ADAMTSL1: variants seen among roughly 807,000 people sequenced by gnomAD.
The protein encoded by ADAMTSL1 is ADAMTS-like protein 1.
ADAMTSL1 carries 126 observed loss-of-function variants against 201.8 expected under a neutral mutation model. That is an observed-to-expected ratio of 0.62 (90% confidence interval 0.54 to 0.72). The LOEUF is 0.72. ADAMTSL1 is among the 30% of genes least tolerant of loss of function. ADAMTSL1 has a pLI of 0.00. For synonymous variants in ADAMTSL1, 1,121 were observed against 903.4 expected, an observed-to-expected ratio of 1.24 and a Z score of -4.32; for missense variants, 2,679 against 2,277.8, an observed-to-expected ratio of 1.18 and a Z score of -3.59.
At chr9:18,276,121 A>G (rs1304044341) in intron 2 of ADAMTSL1, among the ~76,000 whole-genome samples, 7 of 151,404 alleles carry the variant, frequency 4.6e-5, no homozygotes, top group Non-Finnish European at 1.0e-4. Context: ...AACTGTGCTT[A>G]TTTGCCATTT....
chr9:17,959,464 A>G (rs1183069358), intron 1 of ADAMTSL1, among the ~76,000 whole-genome samples: 1 of 151,674 alleles, frequency 6.6e-6, no homozygotes, highest in East Asian at 1.9e-4. Context: ...TTTATTTTTT[A>G]TTTTTATTTT....
intron 2 of ADAMTSL1, among the ~76,000 whole-genome samples, chr9:18,359,818 T>TCC (rs1187779796): frequency 2.8e-3 from 118 of 42,612 alleles, no homozygotes; most frequent in Admixed American, 5.9e-3. Flanking sequence ...ATGCCCCACC[T>TCC]CCCCACCCGC....
intron 16 of ADAMTSL1, among the ~76,000 whole-genome samples, chr9:18,757,611 C>A (rs1010471460): frequency 2.6e-5 from 4 of 152,128 alleles, no homozygotes; most frequent in African/African-American, 9.7e-5. Flanking sequence ...TTTCCCACTC[C>A]CCTGTGCTGG....
intron 2 of ADAMTSL1, among the ~76,000 whole-genome samples, chr9:18,175,184 C>G (rs1828086544): frequency 6.6e-6 from 1 of 152,158 alleles, no homozygotes; most frequent in Non-Finnish European, 1.5e-5. Flanking sequence ...TCATAGAACT[C>G]TTTAAACCTT....
intron 2 of ADAMTSL1, among the ~76,000 whole-genome samples, chr9:18,178,452 G>T (rs201014426): frequency 6.6e-6 from 1 of 152,152 alleles, no homozygotes; most frequent in Non-Finnish European, 1.5e-5. Context: ...GCTGGGGGAG[G>T]GGCGCCCGCC....
intron 1 of ADAMTSL1, among the ~76,000 whole-genome samples, chr9:18,108,193 G>A (rs1824845292): frequency 7.1e-6 from 1 of 140,636 alleles, no homozygotes. Context: ...GCAAGAGTGT[G>A]GAATTTTTTT....
chr9:17,986,817 T>C lies in ADAMTSL1; in HGVS notation c.87+79895T>C, dbSNP rs575379736. ...TTACAGATGTCTGGAGTTGAGACTG[T>C]TGACTAGGTGCAAACATTACCTCAT... On this transcript the variant is annotated intron_variant, in intron 1 of 29. Transcript: ENST00000680146. Among the ~76,000 whole-genome samples, 47 of 152,202 alleles carry C rather than the reference T, an allele frequency of 3.1e-4. 1 individual carries two copies. The South Asian group carries it at 9.7e-3, about 32-fold the overall frequency.
At chr9:18,285,251 A>G (rs12353343) in intron 2 of ADAMTSL1, among the ~76,000 whole-genome samples, 101,616 of 151,978 alleles carry the variant, frequency 0.67, 34,522 homozygotes, top group South Asian at 0.78. Flanking sequence ...GAATAAAATC[A>G]TAATAGCATT....
chr9:18,900,187 C>T (rs1273747878), intron 26 of ADAMTSL1, among the ~76,000 whole-genome samples: 5 of 152,176 alleles, frequency 3.3e-5, no homozygotes, highest in African/African-American at 1.2e-4. Context: ...AAAAGCTCAA[C>T]ATCACTGATC....
chr9:18,081,951 G>A (rs1301569084), intron 1 of ADAMTSL1, among the ~76,000 whole-genome samples: 1 of 152,180 alleles, frequency 6.6e-6, no homozygotes, highest in Non-Finnish European at 1.5e-5. Context: ...GGTTAAGATT[G>A]ATGAAGAGTC....
intron 1 of ADAMTSL1, among the ~76,000 whole-genome samples, chr9:17,993,893 C>T (rs1416107991): frequency 2.0e-5 from 3 of 151,952 alleles, no homozygotes; most frequent in African/African-American, 7.3e-5. Flanking sequence ...CTAACATATC[C>T]CTTAAAAATG....
At chr9:18,004,876 G>A (rs756869054) in intron 1 of ADAMTSL1, among the ~76,000 whole-genome samples, 5 of 152,026 alleles carry the variant, frequency 3.3e-5, no homozygotes, top group Non-Finnish European at 5.9e-5. Flanking sequence ...AAGTGAAGAC[G>A]TACCAAATGT....
At chr9:18,190,838 T>G (rs1360417229) in intron 2 of ADAMTSL1, among the ~76,000 whole-genome samples, 1 of 152,190 alleles carries the variant, frequency 6.6e-6, no homozygotes, top group Admixed American at 6.5e-5. Context: ...AAAGACCAGT[T>G]CTGACCACCC....
At chr9:18,848,437 C>G (rs1490472919) in intron 23 of ADAMTSL1, among the ~76,000 whole-genome samples, 2 of 152,194 alleles carry the variant, frequency 1.3e-5, no homozygotes, top group African/African-American at 4.8e-5. Flanking sequence ...CAGACCTAGC[C>G]TTTACATCCA....
At chr9:18,661,812 T>A in intron 8 of ADAMTSL1, 123 bp from the exon 9 acceptor site, 1 of 1,068,134 alleles carries the variant, frequency 9.4e-7, no homozygotes, top group Non-Finnish European at 1.3e-6. Context: ...TGTGTCTTTT[T>A]TCCTGGAAAT....
chr9:18,784,115 A>T (rs148357317), intron 19 of ADAMTSL1, among the ~76,000 whole-genome samples: 48 of 152,270 alleles, frequency 3.2e-4, no homozygotes, highest in African/African-American at 1.2e-3. Flanking sequence ...CTGTTCACAA[A>T]TGTGCCTGGG....
intron 2 of ADAMTSL1, among the ~76,000 whole-genome samples, chr9:18,412,960 A>T (rs1818511041): frequency 6.6e-6 from 1 of 152,004 alleles, no homozygotes; most frequent in Non-Finnish European, 1.5e-5. Context: ...GATGTTAGAG[A>T]TATCTATGTG....
chr9:18,702,371 A>C (rs909685800), intron 13 of ADAMTSL1, among the ~76,000 whole-genome samples: 2 of 152,222 alleles, frequency 1.3e-5, no homozygotes, highest in Non-Finnish European at 2.9e-5. Context: ...TTTGTTTATC[A>C]GTATATTAAT....
chr9:18,271,862 G>T (rs577226181), intron 2 of ADAMTSL1, among the ~76,000 whole-genome samples: 3 of 151,892 alleles, frequency 2.0e-5, no homozygotes, highest in Admixed American at 6.6e-5. Context: ...TTTAATGATC[G>T]CCATTCTAAC....
Sources: allele counts gnomAD v4.1 joint callset (sites outside exome capture counted in the v4.1 genomes callset), GRCh38; gene constraint gnomAD v4.1.1; transcripts MANE v1.5; gene names NCBI Gene and HGNC (gene_info 2026-07-23, HGNC 2026-07-21).